STRN: variants seen among roughly 807,000 people sequenced by gnomAD.
The protein encoded by STRN is striatin.
STRN carries 53 observed loss-of-function variants against 96.3 expected under a neutral mutation model. The observed-to-expected ratio is 0.55, with a 90% CI of 0.44 to 0.69. STRN has a LOEUF of 0.69. Ranked by LOEUF, STRN falls within the 30% of genes least tolerant of loss-of-function variation. The pLI, the probability that STRN is intolerant of heterozygous loss-of-function variation, is 0.00. For synonymous variants in STRN, 428 were observed against 355.9 expected (o/e 1.20, Z -2.28); for missense variants, 987 against 963.9 (o/e 1.02, Z -0.32).
chr2:36,914,125 G>T (rs978431272), intron 3 of STRN, among the ~76,000 whole-genome samples: 2 of 152,072 alleles, frequency 1.3e-5, no homozygotes, highest in Non-Finnish European at 2.9e-5. Flanking sequence ...CAGTAGCTAG[G>T]ACTACAGACA....
At chr2:36,904,825 C>T (rs1053598148) in intron 4 of STRN, among the ~76,000 whole-genome samples, 1 of 151,400 alleles carries the variant, frequency 6.6e-6, no homozygotes, top group Admixed American at 6.6e-5. Context: ...GAGACTCCAT[C>T]TCAAATGAAT....
chr2:36,941,118 T>C (rs1670835190), intron 1 of STRN, among the ~76,000 whole-genome samples: 1 of 152,218 alleles, frequency 6.6e-6, no homozygotes, highest in Non-Finnish European at 1.5e-5. Flanking sequence ...ATCCTGCCAC[T>C]GCTCTCCAGC....
rs1668158416 is a variant in STRN at position 36,849,293 on chromosome 2, A to G, written c.*163T>C. 1.2e-6 allele frequency: 1 copy of G among 809,608 alleles called. No individual in the cohort carries two copies. The highest frequency in any genetic ancestry group is 1.9e-6 in the Non-Finnish European group (1 of 535,520). 50.2% of individuals were successfully genotyped at this position (809,608 alleles called of 1,614,324 possible). Reference sequence around the variant, plus strand: ...CAACCTGAACAAACCTTAGTTTTAGAAAACAGTATATGAATTGCAAAACTA... The same window carrying G: ...CAACCTGAACAAACCTTAGTTTTAGGAAACAGTATATGAATTGCAAAACTA... On this transcript the variant is annotated 3_prime_UTR_variant, in exon 18 of 18. Coordinates refer to ENST00000263918, the MANE Select transcript of STRN (RefSeq NM_003162.4).
rs1187758069 is a variant in STRN, at chr2:36,899,662, G to C, written c.660-4C>G. 6.2e-7 allele frequency: 1 copy of C among 1,601,614 alleles called. No individual in the cohort carries two copies. The highest frequency in any genetic ancestry group is 1.3e-5 in the African/African-American group (1 of 74,502). ...AGAATCTGTTAACTCAGATTTTCTG[G>C]TGTAAAACATGTATATCCTGCTTAG... On this transcript the variant is annotated splice_region_variant and splice_polypyrimidine_tract_variant and intron_variant, in intron 5 of 17. Coordinates refer to ENST00000263918, the MANE Select transcript of STRN (RefSeq NM_003162.4).
At chr2:36,870,932 G>A (rs1188709266) in intron 10 of STRN, among the ~76,000 whole-genome samples, 1 of 151,858 alleles carries the variant, frequency 6.6e-6, no homozygotes, top group African/African-American at 2.4e-5. Context: ...ATAGGCCTAG[G>A]TTAATATGCG....
intron 15 of STRN, among the ~76,000 whole-genome samples, chr2:36,853,798 G>C (rs915248960): frequency 2.0e-5 from 3 of 152,012 alleles, no homozygotes; most frequent in Non-Finnish European, 4.4e-5. Context: ...TAAATAACAA[G>C]GGGTAGTTCA....
At chr2:36,861,027 C>T in intron 13 of STRN, 105 bp downstream of exon 13, 1 of 1,341,182 alleles carries the variant, frequency 7.5e-7, no homozygotes, top group Non-Finnish European at 1.0e-6. Context: ...GTTCTCTTTA[C>T]CTATTTATTT....
chr2:36,941,804 C>T lies in STRN; in HGVS notation c.235-16596G>A, dbSNP rs543865279. On this transcript the variant is annotated intron_variant, in intron 1 of 17. Coordinates refer to ENST00000263918, the MANE Select transcript of STRN (RefSeq NM_003162.4). ...CTGACCTTGGGTGATCCCCCAACCT[C>T]GGCCTCCCAAAGTGCTGGGATTACA... is the stretch of plus-strand genomic sequence containing the variant. Among the ~76,000 whole-genome samples, 9 of 151,838 alleles carry T rather than the reference C, an allele frequency of 5.9e-5. No individual in the cohort carries two copies. The East Asian group carries it at 1.5e-3, about 26-fold the overall frequency.
intron 1 of STRN, among the ~76,000 whole-genome samples, chr2:36,951,374 C>A (rs1330227065): frequency 6.6e-6 from 1 of 152,192 alleles, no homozygotes; most frequent in Non-Finnish European, 1.5e-5. Context: ...CCAGGCAATG[C>A]TTTATACAAT....
rs144534906 is a variant in STRN, at chr2:36,943,839, G to A, written c.235-18631C>T. Among the ~76,000 whole-genome samples, 207 of 151,320 alleles carry A rather than the reference G, an allele frequency of 1.4e-3. 2 individuals are homozygous for A. The highest frequency in any genetic ancestry group is 4.7e-3 in the African/African-American group (194 of 41,240). ...AAAACAGTTTAAAACAAACTTGGCC[G>A]AGCACAGTGGCTCACACCTATAATC... On this transcript the variant is annotated intron_variant, in intron 1 of 17. Transcript: ENST00000263918.
At chr2:36,917,052 T>TAAAAAAAAAAAAAAA (rs1448769970) in intron 2 of STRN, among the ~76,000 whole-genome samples, 1 of 135,508 alleles carries the variant, frequency 7.4e-6, no homozygotes, top group Non-Finnish European at 1.5e-5. Context: ...AATAAAAAAA[T>TAAAAAAAAAAAAAAA]AAAAAATAAA....
chr2:36,891,321 G>C (rs1669390750), intron 7 of STRN, among the ~76,000 whole-genome samples: 1 of 152,166 alleles, frequency 6.6e-6, no homozygotes, highest in Non-Finnish European at 1.5e-5. Flanking sequence ...GAGGCCAGCA[G>C]TTCAAGACCA....
At chr2:36,893,756 C>T in intron 7 of STRN, 142 bp downstream of exon 7, 1 of 950,978 alleles carries the variant, frequency 1.1e-6, no homozygotes, top group Non-Finnish European at 1.5e-6. Flanking sequence ...ACACATTCAC[C>T]CTGGATAAAG....
intron 7 of STRN, among the ~76,000 whole-genome samples, chr2:36,890,206 C>G (rs1329921896): frequency 6.6e-6 from 1 of 152,100 alleles, no homozygotes; most frequent in African/African-American, 2.4e-5. Context: ...AGAATAAAGG[C>G]CTGTTTCACT....
intron 3 of STRN, among the ~76,000 whole-genome samples, chr2:36,910,139 C>T (rs1467315265): frequency 1.3e-5 from 2 of 149,654 alleles, no homozygotes; most frequent in Non-Finnish European, 3.0e-5. Flanking sequence ...TGGCGTCACA[C>T]TCCAGCCTGG....
intron 12 of STRN, 32 bp downstream of exon 12, chr2:36,867,782 C>A (rs367726648): frequency 5.7e-6 from 8 of 1,401,608 alleles, no homozygotes; most frequent in South Asian, 1.4e-5. Context: ...ACAGAGATAT[C>A]GGTTTAAAAT....
At chr2:36,950,207 G>T (rs971666366) in intron 1 of STRN, among the ~76,000 whole-genome samples, 41 of 141,624 alleles carry the variant, frequency 2.9e-4, no homozygotes, top group East Asian at 7.3e-4. Context: ...TGGTTGGTTT[G>T]GTTTTGTTTT....
chr2:36,873,195 G>A (rs1668810735), intron 10 of STRN, among the ~76,000 whole-genome samples: 1 of 152,234 alleles, frequency 6.6e-6, no homozygotes, highest in Admixed American at 6.5e-5. Context: ...CCAGATCCCA[G>A]AGCCAGTGGC....
At chr2:36,921,412 CTT>C (rs201762925) in intron 2 of STRN, among the ~76,000 whole-genome samples, 2,264 of 152,286 alleles carry the variant, frequency 0.015, 28 homozygotes, top group Non-Finnish European at 0.026. Flanking sequence ...CTAGTTCTCT[CTT>C]GTTTCCCCAA....
Sources: gnomAD v4.1 joint callset for allele counts (sites outside exome capture counted in the v4.1 genomes callset) on GRCh38, gnomAD v4.1.1 for gene constraint, MANE v1.5 for transcripts, NCBI Gene and HGNC (gene_info 2026-07-23, HGNC 2026-07-21) for gene names.